ANXA2: variants seen among roughly 807,000 people sequenced by gnomAD.
ANXA2 encodes the protein annexin II.
A neutral mutation model predicts 47.3 loss-of-function variants in ANXA2; 28 were observed. That is an observed-to-expected ratio of 0.59 (90% confidence interval 0.44 to 0.81). ANXA2 has a LOEUF of 0.81. ANXA2 is among the 40% of genes least tolerant of loss of function. The pLI is 0.00. For missense variants in ANXA2, 384 were observed against 414.3 expected, an observed-to-expected ratio of 0.93 and a Z score of 0.64; for synonymous variants, 172 against 155.5, an observed-to-expected ratio of 1.11 and a Z score of -0.79.
chr15:60,386,099 T>A lies in ANXA2; in HGVS notation c.-11-13A>T, dbSNP rs11855679. 1,328,764 of 1,602,070 alleles carry A rather than the reference T, an allele frequency of 0.83. 554,044 individuals are homozygous for A. Among genetic ancestry groups the A allele is most frequent in the East Asian group, 1 (44,793 of 44,814 alleles). On this transcript the variant is annotated splice_polypyrimidine_tract_variant and intron_variant, in intron 1 of 12. Transcript: ENST00000451270. ...ATTTTGAAGGAAGCTGGAAAAAAAG[T>A]ACAACAAAAAGTCTTTATGAAGAGG...
chr15:60,355,021 A>G (rs1423315155), intron 7 of ANXA2, among the ~76,000 whole-genome samples: 4 of 152,164 alleles, frequency 2.6e-5, no homozygotes, highest in Non-Finnish European at 5.9e-5. Context: ...CTAGCCAAGC[A>G]GAGCGGGAGA....
chr15:60,392,801 A>G (rs1418464318), intron 1 of ANXA2, among the ~76,000 whole-genome samples: 2 of 152,232 alleles, frequency 1.3e-5, no homozygotes, highest in Non-Finnish European at 2.9e-5. Flanking sequence ...TGGTGAATCA[A>G]TCAGGGACTG....
intron 3 of ANXA2, among the ~76,000 whole-genome samples, chr15:60,380,109 A>G (rs1026108631): frequency 3.3e-5 from 5 of 152,202 alleles, no homozygotes; most frequent in Non-Finnish European, 7.3e-5. Context: ...GGTTTTAGGA[A>G]AGCAAACCAC....
rs562478618 is a variant in ANXA2, at chr15:60,351,292, G to C, written c.779-41C>G. The C allele has an allele frequency of 1.6e-4, 252 of 1,598,708 alleles. 2 individuals carry two copies. In the South Asian group the frequency reaches 2.6e-3, roughly 16 times the overall value. ...AGGGAGTCAGCGCTGCAGCTGCTCT[G>C]GTCTCTCCTCTACCAATGAGAGAGG... is the stretch of plus-strand genomic sequence containing the variant. On this transcript the variant is annotated intron_variant, in intron 10 of 12. Coordinates refer to ENST00000451270, the MANE Select transcript of ANXA2 (RefSeq NM_004039.3).
At chr15:60,393,892 G>T (rs2063047318) in intron 1 of ANXA2, among the ~76,000 whole-genome samples, 1 of 152,150 alleles carries the variant, frequency 6.6e-6, no homozygotes, top group Non-Finnish European at 1.5e-5. Context: ...TACACACACT[G>T]GGTCTTTCTA....
intron 7 of ANXA2, chr15:60,355,595 T>C: frequency 2.3e-6 from 1 of 427,144 alleles, no homozygotes; most frequent in South Asian, 2.2e-5. Flanking sequence ...CACTGGGTCC[T>C]GCATGACCAC....
intron 1 of ANXA2, among the ~76,000 whole-genome samples, chr15:60,387,877 A>G (rs2062954391): frequency 6.6e-6 from 1 of 152,116 alleles, no homozygotes; most frequent in African/African-American, 2.4e-5. Context: ...TTTGCCATGA[A>G]CCTAAAACTT....
intron 10 of ANXA2, 57 bp downstream of exon 10, chr15:60,351,667 T>G: frequency 8.8e-7 from 1 of 1,132,808 alleles, no homozygotes; most frequent in South Asian, 1.3e-5. Context: ...GATGGCCATC[T>G]GTCACTTCTG....
chr15:60,351,005 G>A (rs1366267084), intron 11 of ANXA2, among the ~76,000 whole-genome samples, 188 bp downstream of exon 11: 1 of 152,206 alleles, frequency 6.6e-6, no homozygotes, highest in Non-Finnish European at 1.5e-5. Flanking sequence ...TGTTCAAGCA[G>A]CTGAGAGAAA....
intron 3 of ANXA2, among the ~76,000 whole-genome samples, chr15:60,381,130 G>A (rs2062852720): frequency 6.6e-6 from 1 of 152,082 alleles, no homozygotes; most frequent in Non-Finnish European, 1.5e-5. Context: ...AAATACGCAG[G>A]CATAAACCAG....
intron 4 of ANXA2, chr15:60,361,518 G>A (rs917602252): frequency 1.2e-5 from 2 of 162,366 alleles, no homozygotes; most frequent in East Asian, 1.8e-4. Flanking sequence ...CCATTCCAGC[G>A]GCAGCTCCTC....
intron 1 of ANXA2, among the ~76,000 whole-genome samples, chr15:60,397,515 T>C (rs906603262): frequency 6.6e-6 from 1 of 152,098 alleles, no homozygotes; most frequent in African/African-American, 2.4e-5. Context: ...GGGGGCACTT[T>C]CTAGAGGGCA....
chr15:60,354,182 T>C lies in ANXA2; in HGVS notation c.560A>G (p.Asp187Gly), dbSNP rs567168734. 4.9e-5 allele frequency: 79 copies of C among 1,613,904 alleles called. No homozygotes were observed. The South Asian group carries it at 8.6e-4, about 17-fold the overall frequency. ...GRRAEDGSVIDYELIDQDARD... is the reference protein window; with the variant it reads ...GRRAEDGSVIGYELIDQDARD... Reference sequence around the variant, plus strand: ...AGCATCTTGGTCAATCAGTTCATAATCAATGACAGAGCCATCCTCTGCTCT... The same window carrying C: ...AGCATCTTGGTCAATCAGTTCATAACCAATGACAGAGCCATCCTCTGCTCT... The change falls in exon 8 of 13, where the codon GAT (aspartate) becomes GGT (glycine). Residue 187 changes from aspartate to glycine, a missense_variant. Asp to Gly is a moderately conservative substitution (Grantham distance 94, BLOSUM62 -1). Transcript: ENST00000451270.
At chr15:60,388,052 G>T (rs1337505647) in intron 1 of ANXA2, among the ~76,000 whole-genome samples, 1 of 152,022 alleles carries the variant, frequency 6.6e-6, no homozygotes, top group East Asian at 1.9e-4. Context: ...GCTGGGCGTG[G>T]GGGCGGGCGC....
At chr15:60,364,565 AG>A (rs777494984) in intron 3 of ANXA2, 42 bp from the exon 4 acceptor site, 1 of 1,515,844 alleles carries the variant, frequency 6.6e-7, no homozygotes, top group South Asian at 1.2e-5. Context: ...AGTATACTCT[AG>A]TATTTTGGGC....
At chr15:60,359,080 A>G (rs990922255) in intron 5 of ANXA2, among the ~76,000 whole-genome samples, 3 of 151,778 alleles carry the variant, frequency 2.0e-5, no homozygotes, top group African/African-American at 7.3e-5. Flanking sequence ...GTCAAAACAG[A>G]TTTTTTTTTA....
intron 4 of ANXA2, among the ~76,000 whole-genome samples, chr15:60,363,696 T>G (rs1242136103): frequency 6.6e-6 from 1 of 152,142 alleles, no homozygotes; most frequent in Non-Finnish European, 1.5e-5. Context: ...ACCCTTTAAA[T>G]AGTAGGAGCA....
At chr15:60,358,352 A>AAG (rs1407109384) in intron 5 of ANXA2, among the ~76,000 whole-genome samples, 1 of 152,218 alleles carries the variant, frequency 6.6e-6, no homozygotes, top group African/African-American at 2.4e-5. Flanking sequence ...GATCAAAGTC[A>AAG]AGATTTAATA....
At chr15:60,348,727 G>C (rs1439862435) in intron 12 of ANXA2, among the ~76,000 whole-genome samples, 1 of 142,718 alleles carries the variant, frequency 7.0e-6, no homozygotes, top group African/African-American at 2.6e-5. Flanking sequence ...GCCTGGGCGA[G>C]AGAGCAAGAC....
Sources: gnomAD v4.1 joint callset for allele counts (sites outside exome capture counted in the v4.1 genomes callset) on GRCh38, gnomAD v4.1.1 for gene constraint, MANE v1.5 for transcripts, NCBI Gene and HGNC (gene_info 2026-07-23, HGNC 2026-07-21) for gene names.